VPS13D: variants seen among roughly 807,000 people sequenced by gnomAD.
VPS13D encodes vacuolar protein sorting 13 homolog D.
In VPS13D, 187 loss-of-function variants were observed where a neutral mutation model predicts 461.9. That is an observed-to-expected ratio of 0.40 (90% CI 0.36 to 0.46). VPS13D has a LOEUF of 0.46. Among genes scored for constraint, VPS13D ranks in the 20% least tolerant of loss-of-function variants. The pLI, the probability that VPS13D is intolerant of heterozygous loss-of-function variation, is 0.60. For missense variants in VPS13D, 4,711 were observed against 5,364.9 expected (o/e 0.88, Z 3.81); for synonymous variants, 1,951 against 1,986.3 (o/e 0.98, Z 0.47).
At chr1:12,436,563 C>T (rs1645063390) in intron 65 of VPS13D, among the ~76,000 whole-genome samples, 1 of 152,172 alleles carries the variant, frequency 6.6e-6, no homozygotes, top group African/African-American at 2.4e-5. Flanking sequence ...GGGGAAGAGA[C>T]TTAACTGAAT....
intron 60 of VPS13D, among the ~76,000 whole-genome samples, chr1:12,395,383 A>C (rs1644481636): frequency 1.3e-5 from 2 of 152,088 alleles, no homozygotes; most frequent in Admixed American, 1.3e-4. Context: ...TTTTCCAATC[A>C]TTGCCCTCAC....
intron 60 of VPS13D, among the ~76,000 whole-genome samples, chr1:12,399,536 T>C (rs1644545986): frequency 6.6e-6 from 1 of 152,050 alleles, no homozygotes; most frequent in African/African-American, 2.4e-5. Context: ...TTGTGTATAG[T>C]TGGCTGAGTG....
chr1:12,242,356 G>A (rs1466188321), intron 2 of VPS13D, among the ~76,000 whole-genome samples, 157 bp from the exon 3 acceptor site: 1 of 152,170 alleles, frequency 6.6e-6, no homozygotes, highest in Non-Finnish European at 1.5e-5. Flanking sequence ...TACACATGAT[G>A]TAGCCCGTTC....
At chr1:12,297,320 A>G (rs995576876) in intron 24 of VPS13D, among the ~76,000 whole-genome samples, 5 of 152,158 alleles carry the variant, frequency 3.3e-5, no homozygotes, top group African/African-American at 9.7e-5. Flanking sequence ...CCAAATATAA[A>G]TTATTTCCCA....
chr1:12,481,148 C>G (rs963955220), intron 67 of VPS13D, among the ~76,000 whole-genome samples: 1 of 152,122 alleles, frequency 6.6e-6, no homozygotes, highest in Non-Finnish European at 1.5e-5. Context: ...GTGCTGTTGC[C>G]TCTGCATTGG....
At chr1:12,381,778 C>T (rs558219059) in intron 57 of VPS13D, among the ~76,000 whole-genome samples, 4 of 152,284 alleles carry the variant, frequency 2.6e-5, no homozygotes, top group South Asian at 2.1e-4. Flanking sequence ...GTTCTGACCA[C>T]GAGGCATCCC....
chr1:12,318,130 A>C lies in VPS13D; in HGVS notation c.7207A>C (p.Ile2403Leu). Residue 2403 changes from isoleucine to leucine, a missense_variant, in exon 31 of 70, where the codon ATA (isoleucine) becomes CTA (leucine). Around this residue, in one of 3 missense-constraint regions of VPS13D, gnomAD observed 4,411 missense variants for 4,937.8 expected, o/e 0.89. Transcript: ENST00000620676. ...VVLNNLRVFL[I>L]FDWLLLVHDF... The stretch of plus-strand genomic sequence containing the variant: ...TCTCAACAATCTCCGTGTGTTTCTC[A>C]TATTTGACTGGCTACTGTTAGTCCA... 1 of 1,614,080 alleles carries C rather than the reference A, an allele frequency of 6.2e-7. No homozygotes were observed. The highest frequency in any genetic ancestry group is 8.5e-7 in the Non-Finnish European group (1 of 1,179,982).
intron 69 of VPS13D, among the ~76,000 whole-genome samples, chr1:12,508,248 GC>G (rs1162842849): frequency 1.3e-5 from 2 of 152,198 alleles, no homozygotes; most frequent in Non-Finnish European, 2.9e-5. Context: ...AGACCTAGAG[GC>G]TTTTGTTCGC....
intron 67 of VPS13D, among the ~76,000 whole-genome samples, chr1:12,463,586 C>CA (rs929027505): frequency 0.012 from 1,657 of 141,170 alleles, 28 homozygotes; most frequent in African/African-American, 0.039. Flanking sequence ...CCATCTCTTA[C>CA]AAAAAAAAAA....
At chr1:12,320,582 G>A (rs1643009836) in intron 32 of VPS13D, among the ~76,000 whole-genome samples, 1 of 152,160 alleles carries the variant, frequency 6.6e-6, no homozygotes, top group Non-Finnish European at 1.5e-5. Context: ...TTTCTGTCTT[G>A]TAAAGAAACC....
At chr1:12,373,170 G>C (rs1339621365) in intron 54 of VPS13D, among the ~76,000 whole-genome samples, 1 of 133,006 alleles carries the variant, frequency 7.5e-6, no homozygotes, top group Non-Finnish European at 1.5e-5. Flanking sequence ...ACCCAGGCTA[G>C]AGTGTAGTGG....
At chr1:12,362,590 C>G (rs1643967253) in intron 50 of VPS13D, 130 bp from the exon 51 acceptor site, 1 of 897,304 alleles carries the variant, frequency 1.1e-6, no homozygotes, top group Non-Finnish European at 1.7e-6. Flanking sequence ...CTAGAAGGTT[C>G]AATATCCTCT....
chr1:12,329,473 A>G (rs753887098), intron 36 of VPS13D, among the ~76,000 whole-genome samples: 3 of 152,090 alleles, frequency 2.0e-5, no homozygotes, highest in East Asian at 1.9e-4. Flanking sequence ...TGGCCTCTCA[A>G]AGTGCTGGGA....
rs943163558 is a variant in VPS13D at position 12,502,936 on chromosome 1, C to T, written c.12795-3917C>T. On this transcript the variant is annotated intron_variant, in intron 68 of 69. Coordinates refer to ENST00000620676, the MANE Select transcript of VPS13D (RefSeq NM_015378.4). The surrounding 1 kb of genome is among the most constrained non-coding windows in gnomAD (Gnocchi z 4.3). Reference sequence around the variant, plus strand: ...CATCACAGTGGCCCTGCAGAGTAGACCCATGGGGTTCTACACATCAGGATG... The same window carrying T: ...CATCACAGTGGCCCTGCAGAGTAGATCCATGGGGTTCTACACATCAGGATG... Among the ~76,000 whole-genome samples the T allele has an allele frequency of 6.6e-6, 1 of 152,084 alleles. No homozygotes were observed. The highest frequency in any genetic ancestry group is 6.6e-5 in the Admixed American group (1 of 15,250).
chr1:12,487,854 T>C (rs1479473548), intron 67 of VPS13D, among the ~76,000 whole-genome samples: 1 of 152,206 alleles, frequency 6.6e-6, no homozygotes, highest in Non-Finnish European at 1.5e-5. Flanking sequence ...GTTTTACCCC[T>C]GAAATTTTTT....
intron 67 of VPS13D, among the ~76,000 whole-genome samples, chr1:12,494,463 C>A (rs1046567997): frequency 6.6e-6 from 1 of 152,140 alleles, no homozygotes. Context: ...GTGAGAAGAT[C>A]AACAAGGTGA....
Position 12,494,370 on chromosome 1 carries a change from G to A in VPS13D, c.12663-3130G>A, listed in dbSNP as rs570297430. On this transcript the variant is annotated intron_variant, in intron 67 of 69. Transcript: ENST00000620676. ...ATGTATTGGGAGTGGGGGTGAGGTT[G>A]GATCACTGAAACCTGGGTAAGGCTC... Among the ~76,000 whole-genome samples, 3 of 152,294 alleles carry A rather than the reference G, an allele frequency of 2.0e-5. No homozygotes were observed. In the East Asian group the frequency reaches 5.8e-4, roughly 29 times the overall value.
intron 25 of VPS13D, among the ~76,000 whole-genome samples, chr1:12,300,225 T>TG (rs1642386547): frequency 6.7e-6 from 1 of 150,004 alleles, no homozygotes; most frequent in Non-Finnish European, 1.5e-5. Context: ...TTTTTTTTTT[T>TG]GAAACAGAGT....
intron 63 of VPS13D, among the ~76,000 whole-genome samples, chr1:12,405,045 C>T (rs1022719898): frequency 6.6e-6 from 1 of 152,202 alleles, no homozygotes; most frequent in Non-Finnish European, 1.5e-5. Flanking sequence ...GAGATATGAG[C>T]AGATAAGAAG....
Sources: gnomAD v4.1 joint callset for allele counts (sites outside exome capture counted in the v4.1 genomes callset) on GRCh38, gnomAD v4.1.1 for gene constraint, gnomAD v4.1.1 regional missense constraint, Gnocchi (gnomAD v3.1) non-coding constraint, MANE v1.5 for transcripts, NCBI Gene and HGNC (gene_info 2026-07-23, HGNC 2026-07-21) for gene names.